RORB: variants seen among roughly 807,000 people sequenced by gnomAD.
RORB encodes the protein RAR related orphan receptor B.
Under a neutral mutation model 59.1 loss-of-function variants are expected in RORB, and 6 were observed. The ratio of observed to expected loss-of-function variants is 0.10; its 90% confidence interval spans 0.06 to 0.20. The LOEUF (loss-of-function observed/expected upper bound fraction) is 0.20. Among genes scored for constraint, RORB ranks in the 10% least tolerant of loss-of-function variants. RORB has a pLI of 1.00. For synonymous variants in RORB, 215 were observed against 204.5 expected (o/e 1.05, Z -0.44); for missense variants, 320 against 560.5 (o/e 0.57, Z 4.33).
intron 1 of RORB, among the ~76,000 whole-genome samples, chr9:74,522,898 C>T (rs1273849542): frequency 6.6e-6 from 1 of 151,734 alleles, no homozygotes; most frequent in Non-Finnish European, 1.5e-5. Flanking sequence ...CATGTGAGCA[C>T]CTCTTTTCTT....
chr9:74,518,992 A>G (rs191581941), intron 1 of RORB, among the ~76,000 whole-genome samples: 56 of 152,158 alleles, frequency 3.7e-4, no homozygotes, highest in Admixed American at 5.9e-4. Context: ...AGGGTCGTGT[A>G]TATCAAAAGA....
At chr9:74,509,498 C>T (rs1398236765) in intron 1 of RORB, among the ~76,000 whole-genome samples, 1 of 151,994 alleles carries the variant, frequency 6.6e-6, no homozygotes, top group Non-Finnish European at 1.5e-5. Context: ...TAAAAAATTT[C>T]TCTTCATTCA....
At chr9:74,634,902 G>A (rs906766901) in intron 3 of RORB, 130 bp downstream of exon 3, 1 of 789,308 alleles carries the variant, frequency 1.3e-6, no homozygotes, top group Non-Finnish European at 2.0e-6. Context: ...TCACTGTGCT[G>A]CTAGTGCATT....
intron 1 of RORB, among the ~76,000 whole-genome samples, chr9:74,519,192 G>A (rs936110498): frequency 6.6e-6 from 1 of 151,968 alleles, no homozygotes; most frequent in Non-Finnish European, 1.5e-5. Context: ...TGATAAAGTC[G>A]AGATGGAGCC....
rs531798315 is a variant in RORB, at chr9:74,683,450, T to G, written c.1225-2013T>G. ...ATGGGACTCTGAATCATCTTTCTTT[T>G]TTGCTTAAAACCCTCTCAGAGAACA... On this transcript the variant is annotated intron_variant, in intron 9 of 9. Coordinates refer to ENST00000376896, the MANE Select transcript of RORB (RefSeq NM_006914.4). Among the ~76,000 whole-genome samples, 25 of 152,292 alleles carry G rather than the reference T, an allele frequency of 1.6e-4. No homozygotes were observed. In the South Asian group the frequency reaches 5.2e-3, roughly 32 times the overall value.
chr9:74,647,196 A>C (rs1281220864), intron 4 of RORB, among the ~76,000 whole-genome samples: 1 of 152,298 alleles, frequency 6.6e-6, no homozygotes, highest in South Asian at 2.1e-4. Context: ...AACATTTTGC[A>C]GTGGTTGGTG....
intron 1 of RORB, among the ~76,000 whole-genome samples, chr9:74,582,355 G>A (rs1380528852): frequency 6.6e-6 from 1 of 152,150 alleles, no homozygotes; most frequent in Non-Finnish European, 1.5e-5. Context: ...AACTAGTCAA[G>A]AGGGCAAATG....
At chr9:74,535,751 T>C (rs1353907356) in intron 1 of RORB, among the ~76,000 whole-genome samples, 1 of 151,922 alleles carries the variant, frequency 6.6e-6, no homozygotes, top group Non-Finnish European at 1.5e-5. Flanking sequence ...AGAAAAAAAT[T>C]GGGGAATTGC....
chr9:74,666,985 T>C (rs1256890550), intron 7 of RORB, among the ~76,000 whole-genome samples: 1 of 152,228 alleles, frequency 6.6e-6, no homozygotes, highest in African/African-American at 2.4e-5. Flanking sequence ...TTAGTTGATA[T>C]GGCAGCCAAC....
In RORB at chr9:74,501,448, A is replaced by G. The variant is rs534957305; in HGVS notation, c.7+3465A>G. On this transcript the variant is annotated intron_variant, in intron 1 of 9. Transcript: ENST00000376896. ...AATTTCCTCCACAAGTTCCAATTAA[A>G]TATTTCTAACCAACATTCCACCTCC... 9.2e-5 allele frequency among the ~76,000 whole-genome samples: 14 copies of G among 152,292 alleles called. 1 individual carries two copies. In the South Asian group the frequency reaches 2.7e-3, roughly 29 times the overall value.
chr9:74,498,331 T>C, intron 1 of RORB: 1 of 310,388 alleles, frequency 3.2e-6, no homozygotes, highest in Admixed American at 4.4e-5. Context: ...GAGGGATGCC[T>C]CTGGACAGGA....
At chr9:74,681,161 T>A (rs1824541358) in intron 9 of RORB, among the ~76,000 whole-genome samples, 1 of 152,194 alleles carries the variant, frequency 6.6e-6, no homozygotes, top group African/African-American at 2.4e-5. Flanking sequence ...ACCCCCTCCA[T>A]CTCCAAGTGC....
chr9:74,665,995 A>T (rs1824257713), intron 7 of RORB, among the ~76,000 whole-genome samples: 1 of 152,206 alleles, frequency 6.6e-6, no homozygotes. Context: ...TACAAAAATT[A>T]GCTGGGCATC....
At chr9:74,519,063 A>G (rs559835185) in intron 1 of RORB, among the ~76,000 whole-genome samples, 1 of 151,938 alleles carries the variant, frequency 6.6e-6, no homozygotes, top group Non-Finnish European at 1.5e-5. Context: ...TTCAGCCTAG[A>G]TTTTATTTAT....
chr9:74,623,427 A>T (rs570046293), intron 1 of RORB, among the ~76,000 whole-genome samples: 68 of 142,068 alleles, frequency 4.8e-4, no homozygotes, highest in African/African-American at 1.8e-3. Flanking sequence ...ATTAGTGGCC[A>T]GAGTTTTCTC....
At chr9:74,526,035 C>T (rs10869412) in intron 1 of RORB, among the ~76,000 whole-genome samples, 44,076 of 151,796 alleles carry the variant, frequency 0.29, 7,186 homozygotes, top group East Asian at 0.76. Context: ...TCTTCACACA[C>T]GGTCTCTTTC....
chr9:74,645,955 T>C, intron 4 of RORB, among the ~76,000 whole-genome samples: 1 of 152,168 alleles, frequency 6.6e-6, no homozygotes, highest in East Asian at 1.9e-4. Context: ...TTCTAGGCAC[T>C]ACAAACTGGA....
intron 1 of RORB, among the ~76,000 whole-genome samples, chr9:74,544,266 C>T (rs1002775048): frequency 3.3e-5 from 5 of 152,102 alleles, no homozygotes; most frequent in South Asian, 2.1e-4. Context: ...GGTCACATGA[C>T]GGAGGCTGAA....
At chr9:74,533,173 C>T (rs1337815961) in intron 1 of RORB, among the ~76,000 whole-genome samples, 2 of 151,920 alleles carry the variant, frequency 1.3e-5, no homozygotes, top group Non-Finnish European at 2.9e-5. Flanking sequence ...TGTTCAAAGA[C>T]TTTCTAATTC....
Sources: allele counts gnomAD v4.1 joint callset (sites outside exome capture counted in the v4.1 genomes callset), GRCh38; gene constraint gnomAD v4.1.1; transcripts MANE v1.5; gene names NCBI Gene and HGNC (gene_info 2026-07-23, HGNC 2026-07-21).